The following NAV3 variants were observed in gnomAD, a reference collection of about 807,000 sequenced individuals.
NAV3 encodes the protein pore membrane and/or filament interacting like protein 1.
Under a neutral mutation model 244.7 loss-of-function variants are expected in NAV3, and 87 were observed. The observed-to-expected ratio is 0.36, with a 90% CI of 0.30 to 0.42. NAV3 has a LOEUF of 0.42. NAV3 is among the 20% of genes least tolerant of loss of function. The probability of loss-of-function intolerance (pLI) is 1.00; values close to 1 mark genes in which losing one functional copy is unlikely to be tolerated. For missense variants in NAV3, 2,663 were observed against 2,893.3 expected, an observed-to-expected ratio of 0.92 and a Z score of 1.83; for synonymous variants, 1,126 against 1,042.2, an observed-to-expected ratio of 1.08 and a Z score of -1.55.
At position 77,682,085 on chromosome 12, in the gene NAV3, T is replaced by C. The variant is rs372891577; in HGVS notation, c.72+109819T>C. On this transcript the variant is annotated intron_variant, in intron 2 of 8. Coordinates refer to the NAV3 transcript ENST00000550042. ...ATGATAGATCCCTTGAGCTTATTCC[T>C]CCTAACCAAAATTTTGTGTTCTTTG... Among the ~76,000 whole-genome samples, 278 of 152,186 alleles carry C rather than the reference T, an allele frequency of 1.8e-3. 1 individual carries two copies. The highest frequency in any genetic ancestry group is 6.4e-3 in the African/African-American group (264 of 41,512).
chr12:77,881,396 G>T (rs539323343), intron 1 of NAV3, among the ~76,000 whole-genome samples: 4 of 152,062 alleles, frequency 2.6e-5, no homozygotes, highest in Admixed American at 6.6e-5. Flanking sequence ...ATCAGGATCA[G>T]ATTTGATAAT....
At chr12:77,590,668 G>T (rs543385707) in intron 2 of NAV3, among the ~76,000 whole-genome samples, 2 of 152,264 alleles carry the variant, frequency 1.3e-5, no homozygotes, top group East Asian at 3.9e-4. Flanking sequence ...TTAAAGACCC[G>T]CACACTTGTG....
chr12:77,892,280 C>CA (rs1361492989), intron 1 of NAV3, among the ~76,000 whole-genome samples: 1 of 152,160 alleles, frequency 6.6e-6, no homozygotes, highest in Non-Finnish European at 1.5e-5. Context: ...TGAGTAGAAA[C>CA]ATTCAATGCA....
intron 2 of NAV3, among the ~76,000 whole-genome samples, chr12:77,735,844 G>A (rs555054363): frequency 3.9e-5 from 6 of 152,208 alleles, no homozygotes; most frequent in South Asian, 4.2e-4. Context: ...CACACCATGA[G>A]CTTAAAAATA....
intron 9 of NAV3, among the ~76,000 whole-genome samples, chr12:78,039,482 A>G (rs1880483462): frequency 6.6e-6 from 1 of 152,242 alleles, no homozygotes; most frequent in East Asian, 1.9e-4. Context: ...GAGTTTAAAA[A>G]TTTTCATCCA....
intron 2 of NAV3, among the ~76,000 whole-genome samples, chr12:77,587,486 C>T (rs1174915298): frequency 2.0e-5 from 3 of 152,128 alleles, no homozygotes; most frequent in Non-Finnish European, 2.9e-5. Flanking sequence ...CCATATGTTT[C>T]GTAAGCTCTT....
chr12:78,169,260 T>G (rs2139562702), intron 24 of NAV3, among the ~76,000 whole-genome samples: 1 of 151,808 alleles, frequency 6.6e-6, no homozygotes, highest in East Asian at 1.9e-4. Flanking sequence ...AAAAATGAAA[T>G]AGTCAATATG....
intron 18 of NAV3, among the ~76,000 whole-genome samples, chr12:78,135,931 T>G (rs1374880660): frequency 6.6e-6 from 1 of 152,212 alleles, no homozygotes; most frequent in African/African-American, 2.4e-5. Context: ...CTTAGTCCTA[T>G]GCTTCCTTTT....
At chr12:77,579,725 A>C (rs1869261407) in intron 2 of NAV3, among the ~76,000 whole-genome samples, 1 of 152,208 alleles carries the variant, frequency 6.6e-6, no homozygotes. Flanking sequence ...AACATGGCTT[A>C]CTATTTCACT....
chr12:77,980,044 G>A (rs192415164), intron 5 of NAV3, among the ~76,000 whole-genome samples: 16 of 152,292 alleles, frequency 1.1e-4, no homozygotes, highest in Non-Finnish European at 2.1e-4. Context: ...AGAGGAATTG[G>A]TCAACAGGAA....
intron 8 of NAV3, among the ~76,000 whole-genome samples, chr12:78,009,092 T>TA (rs1416608847): frequency 2.0e-5 from 3 of 152,166 alleles, no homozygotes; most frequent in East Asian, 1.9e-4. Flanking sequence ...AACAAGCTTT[T>TA]AAAAAAATTG....
chr12:77,766,756 T>G lies in NAV3; in HGVS notation c.73-173563T>G, dbSNP rs1360366885. Among the ~76,000 whole-genome samples the G allele has an allele frequency of 1.3e-4, 16 of 123,334 alleles. 4 individuals carry two copies. In the South Asian group the frequency reaches 1.5e-3, roughly 11 times the overall value. The allele number at this position is 123,334 out of a possible 152,430, so 80.9% of individuals were successfully genotyped here. On this transcript the variant is annotated intron_variant, in intron 2 of 8. Coordinates refer to the NAV3 transcript ENST00000550042. ...TTAAGTTTTTTTTTTTTTTTTTTTT[T>G]TTTTTTTTTTTTTTTGAGACGGAGT...
At position 77,951,155 on chromosome 12, in the gene NAV3, T is replaced by C. The variant is rs148325881; in HGVS notation, c.414+10022T>C. ...GCAACCTACAAAATGGGAGAAAAGT[T>C]TTGCAATCTACTCATCTGACAAAGG... On this transcript the variant is annotated intron_variant, in intron 3 of 39. Transcript: ENST00000397909. 4.4e-3 allele frequency among the ~76,000 whole-genome samples: 670 copies of C among 152,208 alleles called. 3 individuals are homozygous for C. Among genetic ancestry groups the C allele is most frequent in the Non-Finnish European group, 6.3e-3 (430 of 68,034 alleles).
rs2138630875 is a variant in NAV3 at position 78,119,762 on chromosome 12, C to T, written c.3566C>T (p.Ser1189Leu). The change falls in exon 15 of 40, where the codon TCG becomes TTG. Residue 1189 changes from serine to leucine, a missense_variant. By Grantham distance (145) the Ser-to-Leu change is moderately radical. Around this residue, in one of 6 missense-constraint regions of NAV3, gnomAD observed 1,521 missense variants for 1,497.0 expected, o/e 1.02. Transcript: ENST00000397909. ...CCAACTAAAATTGGGTCAGGGCGCT[C>T]GAGTCCTGTCACCGTCAACCAAACA... ...REPTKIGSGRSSPVTVNQTDK... is the reference protein window; with the variant it reads ...REPTKIGSGRLSPVTVNQTDK... The T allele has an allele frequency of 6.2e-7, 1 of 1,613,954 alleles. No homozygotes were observed. The highest frequency in any genetic ancestry group is 8.5e-7 in the Non-Finnish European group (1 of 1,180,002).
At position 78,177,178 on chromosome 12, in the gene NAV3, A is replaced by T; in HGVS notation, c.5162A>T (p.Lys1721Met). Reference sequence around the variant, plus strand: ...TTCAAACAAGCCTTTGGGAAGAAAAAGTCCACCAAGCCTCCTTCATCACAT... The same window carrying T: ...TTCAAACAAGCCTTTGGGAAGAAAATGTCCACCAAGCCTCCTTCATCACAT... ...SSFKQAFGKK[K>M]STKPPSSHSD... is the part of the protein sequence containing the mutation. The change falls in exon 27 of 40, where the codon AAG (lysine) becomes ATG (methionine). Residue 1721 changes from lysine to methionine, a missense_variant. Lys to Met is a moderately conservative substitution (Grantham distance 95). Around this residue, in one of 6 missense-constraint regions of NAV3, gnomAD observed 193 missense variants for 200.7 expected, o/e 0.96. Transcript: ENST00000397909. 1 of 1,613,414 alleles carries T rather than the reference A, an allele frequency of 6.2e-7. No homozygotes were observed. The highest frequency in any genetic ancestry group is 8.5e-7 in the Non-Finnish European group (1 of 1,179,590).
chr12:77,829,874 GA>G (rs1873422229), upstream of NAV3, among the ~76,000 whole-genome samples: 13 of 152,234 alleles, frequency 8.5e-5, no homozygotes, highest in South Asian at 2.5e-3. Flanking sequence ...CTTCACTAAA[GA>G]AAGACATTTT....
At chr12:78,181,291 A>T (rs920179437) in intron 30 of NAV3, among the ~76,000 whole-genome samples, 1 of 152,098 alleles carries the variant, frequency 6.6e-6, no homozygotes, top group African/African-American at 2.4e-5. Flanking sequence ...TTCCCTAGGA[A>T]GTACTTTCTC....
chr12:77,688,354 T>A (rs1292959503), intron 2 of NAV3, among the ~76,000 whole-genome samples: 1 of 152,074 alleles, frequency 6.6e-6, no homozygotes, highest in Non-Finnish European at 1.5e-5. Context: ...GTACACATTC[T>A]ACCCTATGCC....
At chr12:77,947,507 T>C (rs1890470809) in intron 3 of NAV3, 1 of 151,832 alleles carries the variant, frequency 6.6e-6, no homozygotes, top group Non-Finnish European at 1.5e-5. Context: ...TAATAAAATC[T>C]TATATATGGC....
Sources: gnomAD v4.1 joint callset for allele counts (sites outside exome capture counted in the v4.1 genomes callset) on GRCh38, gnomAD v4.1.1 for gene constraint, gnomAD v4.1.1 regional missense constraint, MANE v1.5 for transcripts, NCBI Gene and HGNC (gene_info 2026-07-23, HGNC 2026-07-21) for gene names.